FSTL5: variants seen among roughly 807,000 people sequenced by gnomAD.
The protein encoded by FSTL5 is follistatin like 5.
A neutral mutation model predicts 89.1 loss-of-function variants in FSTL5; 62 were observed. That is an observed-to-expected ratio of 0.70 (90% CI 0.57 to 0.86). The LOEUF (loss-of-function observed/expected upper bound fraction) is 0.86. FSTL5 is among the 40% of genes least tolerant of loss of function. The probability of loss-of-function intolerance (pLI) is 0.00; values close to 1 mark genes in which losing one functional copy is unlikely to be tolerated. For synonymous variants in FSTL5, 383 were observed against 346.2 expected, an observed-to-expected ratio of 1.11 and a Z score of -1.18; for missense variants, 1,057 against 1,001.6, an observed-to-expected ratio of 1.06 and a Z score of -0.75.
intron 15 of FSTL5, among the ~76,000 whole-genome samples, 167 bp downstream of exon 15, chr4:161,454,837 C>T (rs1733292221): frequency 6.6e-6 from 1 of 152,184 alleles, no homozygotes; most frequent in Non-Finnish European, 1.5e-5. Flanking sequence ...AAATTCATCA[C>T]TAGTGTTGAT....
chr4:161,872,723 A>G (rs1377434337), intron 4 of FSTL5, among the ~76,000 whole-genome samples: 1 of 152,208 alleles, frequency 6.6e-6, no homozygotes, highest in East Asian at 1.9e-4. Context: ...AGTAGCCATT[A>G]AACAGAAAGA....
At chr4:161,973,954 T>C (rs1411410726) in intron 3 of FSTL5, among the ~76,000 whole-genome samples, 1 of 152,128 alleles carries the variant, frequency 6.6e-6, no homozygotes, top group Non-Finnish European at 1.5e-5. Context: ...AGCATTCTTA[T>C]ACACCAACAA....
chr4:161,578,264 A>G (rs1733303483), intron 8 of FSTL5, among the ~76,000 whole-genome samples: 1 of 152,122 alleles, frequency 6.6e-6, no homozygotes, highest in African/African-American at 2.4e-5. Context: ...AGTAAGAATT[A>G]TTTTTTAAAT....
intron 15 of FSTL5, among the ~76,000 whole-genome samples, chr4:161,413,202 A>G (rs551509928): frequency 1.6e-4 from 24 of 148,204 alleles, no homozygotes; most frequent in African/African-American, 6.0e-4. Flanking sequence ...GGGAACTTAA[A>G]TCAATAGGAA....
chr4:161,740,013 T>C (rs903528832), intron 6 of FSTL5, among the ~76,000 whole-genome samples: 1 of 151,328 alleles, frequency 6.6e-6, no homozygotes, highest in African/African-American at 2.4e-5. Context: ...TTTATTTATT[T>C]ATTTATTTAT....
intron 4 of FSTL5, among the ~76,000 whole-genome samples, chr4:161,782,064 G>A (rs1289219909): frequency 1.3e-5 from 2 of 152,074 alleles, no homozygotes; most frequent in East Asian, 3.9e-4. Context: ...GTCTTTTCAT[G>A]ACCTGATAGC....
chr4:161,886,623 G>A (rs559191548), intron 4 of FSTL5, among the ~76,000 whole-genome samples: 11 of 152,308 alleles, frequency 7.2e-5, no homozygotes, highest in African/African-American at 2.6e-4. Context: ...ATAGACTACA[G>A]AGTAGACAAC....
chr4:161,723,342 TA>T (rs1249323551), intron 6 of FSTL5, among the ~76,000 whole-genome samples: 1 of 152,006 alleles, frequency 6.6e-6, no homozygotes, highest in African/African-American at 2.4e-5. Flanking sequence ...TACCCTTGGT[TA>T]AAAAAATTAA....
intron 6 of FSTL5, among the ~76,000 whole-genome samples, chr4:161,713,308 T>A (rs1030961983): frequency 6.6e-6 from 1 of 152,216 alleles, no homozygotes; most frequent in Non-Finnish European, 1.5e-5. Flanking sequence ...GGCTACTGCA[T>A]AAACAATGGA....
intron 3 of FSTL5, among the ~76,000 whole-genome samples, chr4:162,026,117 G>GA (rs999279641): frequency 1.5e-4 from 23 of 150,320 alleles, no homozygotes; most frequent in South Asian, 2.1e-4. Context: ...ATTTTTGTAA[G>GA]AAAAAAATGC....
At chr4:161,630,995 T>C (rs1160451769) in intron 7 of FSTL5, among the ~76,000 whole-genome samples, 10 of 152,222 alleles carry the variant, frequency 6.6e-5, no homozygotes, top group Non-Finnish European at 1.2e-4. Context: ...AATTGTTCAA[T>C]GATAAATAAT....
intron 4 of FSTL5, among the ~76,000 whole-genome samples, chr4:161,866,465 A>AGTGTGTGTGTGT (rs70937692): frequency 0.026 from 3,485 of 131,828 alleles, 82 homozygotes; most frequent in East Asian, 0.074. Flanking sequence ...TCTAAGCTGT[A>AGTGTGTGTGTGT]GTGTGTGTGT....
At chr4:161,441,712 T>G (rs534938178) in intron 15 of FSTL5, among the ~76,000 whole-genome samples, 1 of 152,132 alleles carries the variant, frequency 6.6e-6, no homozygotes, top group Non-Finnish European at 1.5e-5. Context: ...AGAATTTTAT[T>G]ACTCCCAGGG....
At chr4:161,704,422 C>G (rs1419018914) in intron 6 of FSTL5, among the ~76,000 whole-genome samples, 1 of 152,116 alleles carries the variant, frequency 6.6e-6, no homozygotes, top group African/African-American at 2.4e-5. Flanking sequence ...ACAACCTTGG[C>G]AAAATACACT....
chr4:161,869,389 C>T (rs554770581), intron 4 of FSTL5, among the ~76,000 whole-genome samples: 8 of 152,156 alleles, frequency 5.3e-5, no homozygotes, highest in African/African-American at 1.2e-4. Flanking sequence ...ACTAGTTGTG[C>T]GATCACAAAT....
intron 4 of FSTL5, among the ~76,000 whole-genome samples, chr4:161,878,540 T>G (rs570574554): frequency 6.6e-6 from 1 of 152,200 alleles, no homozygotes; most frequent in East Asian, 1.9e-4. Flanking sequence ...GAAACAACCT[T>G]CTTTGTTTAT....
At chr4:161,828,225 T>G (rs530732281) in intron 4 of FSTL5, among the ~76,000 whole-genome samples, 9 of 152,270 alleles carry the variant, frequency 5.9e-5, no homozygotes, top group African/African-American at 2.2e-4. Flanking sequence ...GATCTGGACC[T>G]TCAGGTTCTG....
chr4:161,502,916 G>A (rs1730348274), intron 11 of FSTL5, among the ~76,000 whole-genome samples: 2 of 151,586 alleles, frequency 1.3e-5, no homozygotes, highest in Admixed American at 1.3e-4. Context: ...AGCTTTATGT[G>A]TAAAAAGAAA....
At chr4:161,812,861 C>A (rs1579110596) in intron 4 of FSTL5, among the ~76,000 whole-genome samples, 1 of 79,924 alleles carries the variant, frequency 1.3e-5, no homozygotes, top group Admixed American at 1.6e-4. Flanking sequence ...TTTATCCAAA[C>A]AAGATCCTAA....
Sources: allele counts gnomAD v4.1 joint callset (sites outside exome capture counted in the v4.1 genomes callset), GRCh38; gene constraint gnomAD v4.1.1; transcripts MANE v1.5; gene names NCBI Gene and HGNC (gene_info 2026-07-23, HGNC 2026-07-21).